RELN: variants seen among roughly 807,000 people sequenced by gnomAD.
RELN encodes the protein reelin.
In RELN, 108 loss-of-function variants were observed where a neutral mutation model predicts 427.6. The observed-to-expected ratio is 0.25, with a 90% CI of 0.22 to 0.30. RELN has a LOEUF of 0.30. RELN is among the 10% of genes least tolerant of loss of function. The pLI is 1.00. For missense variants in RELN, 3,715 were observed against 4,302.8 expected (o/e 0.86, Z 3.82); for synonymous variants, 1,524 against 1,513.4 (o/e 1.01, Z -0.16).
chr7:103,573,866 G>A lies in RELN; in HGVS notation c.4511+226C>T, dbSNP rs568584530. On this transcript the variant is annotated intron_variant, in intron 30 of 64. Transcript: ENST00000428762. This position sits in a 1 kb window ranked among gnomAD's most constrained non-coding sequence, Gnocchi z 4.4. ...AAGCTGGCATACCCTAGACACACAGGCCTTGGTGATGACCACACATGGATT... is the reference window on the plus strand; with the variant it reads ...AAGCTGGCATACCCTAGACACACAGACCTTGGTGATGACCACACATGGATT... Among the ~76,000 whole-genome samples, 1 of 152,242 alleles carries A rather than the reference G, an allele frequency of 6.6e-6. No homozygotes were observed. The highest frequency in any genetic ancestry group is 2.1e-4 in the South Asian group (1 of 4,814).
intron 58 of RELN, 80 bp downstream of exon 58, chr7:103,491,873 C>CAA: frequency 3.0e-6 from 2 of 677,072 alleles, no homozygotes; most frequent in Non-Finnish European, 4.9e-6. Context: ...CACACACACA[C>CAA]ACACACACAC....
chr7:103,728,995 T>C (rs1025456165), intron 6 of RELN, among the ~76,000 whole-genome samples: 3 of 152,204 alleles, frequency 2.0e-5, no homozygotes, highest in African/African-American at 4.8e-5. Flanking sequence ...AATAAATTTA[T>C]TCATATCTCT....
chr7:103,750,277 T>A (rs1181550962), intron 5 of RELN, among the ~76,000 whole-genome samples: 2 of 152,112 alleles, frequency 1.3e-5, no homozygotes, highest in Non-Finnish European at 2.9e-5. Flanking sequence ...TGTGCCCAGC[T>A]GAGATTTGAT....
chr7:103,658,036 G>A (rs1833057713), intron 12 of RELN, among the ~76,000 whole-genome samples: 1 of 152,082 alleles, frequency 6.6e-6, no homozygotes. Context: ...TATAGCAGAT[G>A]CCTAGTAAAT....
chr7:103,867,519 A>G (rs990147541), intron 2 of RELN, among the ~76,000 whole-genome samples: 42 of 152,120 alleles, frequency 2.8e-4, no homozygotes, highest in Admixed American at 1.4e-3. Context: ...TTCCTATGCA[A>G]CTATTAAACT....
At chr7:103,731,578 A>T (rs769490546) in intron 6 of RELN, among the ~76,000 whole-genome samples, 14 of 152,266 alleles carry the variant, frequency 9.2e-5, no homozygotes, top group Middle Eastern at 3.4e-3. Context: ...AGTCAATTGC[A>T]GAATTGGGAG....
At chr7:103,880,762 G>A (rs1794588690) in intron 2 of RELN, among the ~76,000 whole-genome samples, 2 of 152,002 alleles carry the variant, frequency 1.3e-5, no homozygotes, top group Admixed American at 6.6e-5. Context: ...GCACAATCAC[G>A]GCTCACTGCA....
Position 103,629,954 on chromosome 7 carries a change from G to T in RELN, c.2688C>A (p.His896Gln). 6.2e-7 allele frequency: 1 copy of T among 1,604,104 alleles called. No homozygotes were observed. The highest frequency in any genetic ancestry group is 8.5e-7 in the Non-Finnish European group (1 of 1,170,946). Residue 896 changes from histidine (H) to glutamine (Q), a missense_variant, in exon 20 of 65, where the codon CAC (histidine) becomes CAA (glutamine). Coordinates refer to ENST00000428762, the MANE Select transcript of RELN (RefSeq NM_005045.4). ...GAAATCCTTACCAAAGGGTCCAGTC[G>T]TGGCCACAGTATGGCTGAACATTTC... The part of the protein sequence containing the change: ...YLGNVQPYCG[H>Q]DWTLCFTGDS...
chr7:103,567,472 G>C (rs1368322876), intron 31 of RELN, among the ~76,000 whole-genome samples: 1 of 152,198 alleles, frequency 6.6e-6, no homozygotes, highest in Non-Finnish European at 1.5e-5. Context: ...AGGATGCAGA[G>C]AAAGCGCAAT....
At chr7:103,757,692 A>AAGAAGAT (rs1249050714) in intron 4 of RELN, among the ~76,000 whole-genome samples, 1 of 152,160 alleles carries the variant, frequency 6.6e-6, no homozygotes, top group African/African-American at 2.4e-5. Flanking sequence ...TGGTAGTGAT[A>AAGAAGAT]AGAAGATCAG....
intron 11 of RELN, among the ~76,000 whole-genome samples, chr7:103,676,646 T>A (rs1833531655): frequency 6.6e-6 from 1 of 152,150 alleles, no homozygotes; most frequent in Non-Finnish European, 1.5e-5. Flanking sequence ...AACCCAAATG[T>A]CCACAATGAT....
intron 4 of RELN, among the ~76,000 whole-genome samples, chr7:103,771,298 C>A (rs368496853): frequency 1.3e-5 from 2 of 151,976 alleles, no homozygotes; most frequent in African/African-American, 4.8e-5. Flanking sequence ...TTGTTGGACA[C>A]CTCTACCATG....
intron 1 of RELN, among the ~76,000 whole-genome samples, chr7:103,967,332 C>A (rs536507797): frequency 2.2e-4 from 33 of 152,146 alleles, no homozygotes; most frequent in Admixed American, 1.9e-3. Flanking sequence ...TACAAGAAAC[C>A]AAAACACTTT....
chr7:103,625,486 A>G (rs1190641210), intron 20 of RELN, among the ~76,000 whole-genome samples: 2 of 152,216 alleles, frequency 1.3e-5, no homozygotes, highest in Non-Finnish European at 2.9e-5. Context: ...AAAATTCAAA[A>G]AAGTTGCTCA....
chr7:103,860,945 A>T (rs1380502617), intron 2 of RELN, among the ~76,000 whole-genome samples: 1 of 152,182 alleles, frequency 6.6e-6, no homozygotes, highest in African/African-American at 2.4e-5. Flanking sequence ...TGTATATAAA[A>T]TGCAAAAATA....
intron 1 of RELN, among the ~76,000 whole-genome samples, chr7:103,921,192 G>A (rs555160719): frequency 6.6e-6 from 1 of 152,272 alleles, no homozygotes; most frequent in Admixed American, 6.5e-5. Context: ...CTGACATCCT[G>A]TCAATTCTAG....
At chr7:103,692,895 G>A (rs1400673566) in intron 10 of RELN, among the ~76,000 whole-genome samples, 1 of 151,996 alleles carries the variant, frequency 6.6e-6, no homozygotes, top group Non-Finnish European at 1.5e-5. Flanking sequence ...AGAGACAATG[G>A]CATTTGAACT....
At chr7:103,531,988 C>A (rs753652993) in intron 46 of RELN, among the ~76,000 whole-genome samples, 7 of 152,076 alleles carry the variant, frequency 4.6e-5, no homozygotes, top group Non-Finnish European at 8.8e-5. Flanking sequence ...TATTGATACA[C>A]ACATATGTTC....
intron 8 of RELN, among the ~76,000 whole-genome samples, chr7:103,719,755 G>A (rs1027005724): frequency 2.6e-5 from 4 of 152,152 alleles, no homozygotes; most frequent in Admixed American, 6.6e-5. Flanking sequence ...TAAAGGAAGT[G>A]GGCAAATGCC....
Sources: allele counts gnomAD v4.1 joint callset (sites outside exome capture counted in the v4.1 genomes callset), GRCh38; gene constraint gnomAD v4.1.1; non-coding constraint Gnocchi (gnomAD v3.1); transcripts MANE v1.5; gene names NCBI Gene and HGNC (gene_info 2026-07-23, HGNC 2026-07-21).